Variants in CNTN5 observed in about 807,000 individuals in gnomAD.
The protein encoded by CNTN5 is contactin 5, also known as contactin-5.
A neutral mutation model predicts 129.1 loss-of-function variants in CNTN5; 77 were observed. The observed-to-expected ratio is 0.60, with a 90% CI of 0.50 to 0.72. CNTN5 has a LOEUF of 0.72. Ranked by LOEUF, CNTN5 falls within the 30% of genes least tolerant of loss-of-function variation. CNTN5 has a pLI of 0.00. For synonymous variants in CNTN5, 509 were observed against 465.6 expected, an observed-to-expected ratio of 1.09 and a Z score of -1.20; for missense variants, 1,478 against 1,328.8, an observed-to-expected ratio of 1.11 and a Z score of -1.75.
intron 1 of CNTN5, among the ~76,000 whole-genome samples, chr11:99,243,505 C>T (rs1861665258): frequency 6.6e-6 from 1 of 151,992 alleles, no homozygotes; most frequent in African/African-American, 2.4e-5. Flanking sequence ...GTTGCAGTTG[C>T]TCTTGGGACT....
intron 23 of CNTN5, among the ~76,000 whole-genome samples, chr11:100,348,053 T>C (rs753817922): frequency 6.6e-6 from 1 of 152,072 alleles, no homozygotes; most frequent in Admixed American, 6.6e-5. Context: ...CTCTCAGTTT[T>C]TTTTTTAATA....
chr11:99,535,935 CT>C (rs1180848910), intron 2 of CNTN5, among the ~76,000 whole-genome samples: 1 of 151,956 alleles, frequency 6.6e-6, no homozygotes, highest in Non-Finnish European at 1.5e-5. Context: ...CATGTTAATT[CT>C]GATTAGTTTT....
chr11:99,342,429 C>A (rs987161897), intron 2 of CNTN5, among the ~76,000 whole-genome samples: 1 of 151,396 alleles, frequency 6.6e-6, no homozygotes, highest in African/African-American at 2.4e-5. Flanking sequence ...GAAATGGTGT[C>A]ATTTTATTAT....
chr11:99,340,238 G>A (rs1182140019), intron 2 of CNTN5, among the ~76,000 whole-genome samples: 1 of 152,112 alleles, frequency 6.6e-6, no homozygotes, highest in African/African-American at 2.4e-5. Context: ...GACAGGTGTG[G>A]GGTGCGTATT....
chr11:99,856,962 C>T (rs1419034286), intron 6 of CNTN5, among the ~76,000 whole-genome samples: 16 of 151,938 alleles, frequency 1.1e-4, no homozygotes, highest in Admixed American at 1.1e-3. Context: ...CCACGTCTCT[C>T]TGACTGTCTT....
chr11:99,197,416 T>C (rs1055746378), intron 1 of CNTN5, among the ~76,000 whole-genome samples: 1 of 152,066 alleles, frequency 6.6e-6, no homozygotes, highest in Admixed American at 6.6e-5. Flanking sequence ...TCCTTTAAGC[T>C]TGTAATTCTC....
intron 19 of CNTN5, among the ~76,000 whole-genome samples, chr11:100,297,930 A>C (rs906799503): frequency 6.6e-6 from 1 of 151,488 alleles, no homozygotes; most frequent in Admixed American, 6.6e-5. Flanking sequence ...CATGAAACTG[A>C]GGCACTGTTA....
chr11:99,336,657 T>C (rs1209017824), intron 2 of CNTN5, among the ~76,000 whole-genome samples: 4 of 151,998 alleles, frequency 2.6e-5, no homozygotes, highest in Non-Finnish European at 4.4e-5. Flanking sequence ...CTGGTCATCA[T>C]GGTGAGACTC....
At chr11:99,669,882 C>T (rs534778455) in intron 3 of CNTN5, among the ~76,000 whole-genome samples, 33 of 152,170 alleles carry the variant, frequency 2.2e-4, no homozygotes, top group African/African-American at 8.0e-4. Flanking sequence ...CTATCATAAG[C>T]AATAATGAAA....
intron 2 of CNTN5, among the ~76,000 whole-genome samples, chr11:99,541,045 T>C (rs1948088082): frequency 6.6e-6 from 1 of 152,168 alleles, no homozygotes; most frequent in Non-Finnish European, 1.5e-5. Context: ...CCCTGCCCTC[T>C]TAAATCTTTA....
chr11:99,409,183 G>C (rs1036613231), intron 2 of CNTN5, among the ~76,000 whole-genome samples: 1 of 152,126 alleles, frequency 6.6e-6, no homozygotes, highest in Non-Finnish European at 1.5e-5. Context: ...AGGCACTGCC[G>C]GCCAGGCACG....
intron 1 of CNTN5, among the ~76,000 whole-genome samples, chr11:99,161,289 A>G (rs1263892096): frequency 6.6e-6 from 1 of 152,196 alleles, no homozygotes; most frequent in African/African-American, 2.4e-5. Flanking sequence ...TTGAGACTCT[A>G]TGACAGATAC....
At chr11:99,337,861 TA>T (rs1866303934) in intron 2 of CNTN5, among the ~76,000 whole-genome samples, 1 of 3,112 alleles carries the variant, frequency 3.2e-4, no homozygotes, top group South Asian at 0.1. Context: ...CTATGTTCTA[TA>T]AAAGTTTAAA....
chr11:99,837,241 C>A (rs1947335634), intron 4 of CNTN5, among the ~76,000 whole-genome samples: 1 of 152,162 alleles, frequency 6.6e-6, no homozygotes, highest in African/African-American at 2.4e-5. Context: ...GAAATTACAT[C>A]TTCTTTAATA....
chr11:100,141,421 A>G (rs1946694538), intron 13 of CNTN5, among the ~76,000 whole-genome samples: 1 of 152,148 alleles, frequency 6.6e-6, no homozygotes, highest in African/African-American at 2.4e-5. Context: ...CTTTGTGGCT[A>G]GCAGAAGGAC....
chr11:99,998,252 A>C (rs574186867), intron 8 of CNTN5, among the ~76,000 whole-genome samples: 1 of 152,060 alleles, frequency 6.6e-6, no homozygotes, highest in African/African-American at 2.4e-5. Flanking sequence ...ACATCCAGAA[A>C]ACCCCATCAT....
intron 1 of CNTN5, among the ~76,000 whole-genome samples, chr11:99,204,028 G>T (rs1030058744): frequency 1.3e-5 from 2 of 152,114 alleles, no homozygotes; most frequent in Non-Finnish European, 2.9e-5. Flanking sequence ...AAATAAATTT[G>T]CTTCTGTAGT....
At chr11:99,163,473 T>G (rs2135520052) in intron 1 of CNTN5, among the ~76,000 whole-genome samples, 1 of 152,180 alleles carries the variant, frequency 6.6e-6, no homozygotes, top group South Asian at 2.1e-4. Flanking sequence ...ATTTCTCAAT[T>G]TTCTGTTTTT....
At chr11:99,930,494 G>C (rs935433922) in intron 7 of CNTN5, among the ~76,000 whole-genome samples, 16 of 152,082 alleles carry the variant, frequency 1.1e-4, no homozygotes, top group South Asian at 6.2e-4. Context: ...TTTCTGAGGA[G>C]ACCGCCTGAC....
Sources: allele counts gnomAD v4.1 joint callset (sites outside exome capture counted in the v4.1 genomes callset), GRCh38; gene constraint gnomAD v4.1.1; transcripts MANE v1.5; gene names NCBI Gene and HGNC (gene_info 2026-07-23, HGNC 2026-07-21).